CRLF3: variants seen among roughly 807,000 people sequenced by gnomAD.
CRLF3 encodes cytokine receptor-like factor 3.
Under a neutral mutation model 55.0 loss-of-function variants are expected in CRLF3, and 33 were observed. The ratio of observed to expected loss-of-function variants is 0.60; its 90% confidence interval spans 0.46 to 0.80. The LOEUF is 0.80. Ranked by LOEUF, CRLF3 falls within the 30% of genes least tolerant of loss-of-function variation. The probability of loss-of-function intolerance (pLI) is 0.00; values close to 1 mark genes in which losing one functional copy is unlikely to be tolerated. For synonymous variants in CRLF3, 238 were observed against 196.8 expected, an observed-to-expected ratio of 1.21 and a Z score of -1.75; for missense variants, 494 against 538.4, an observed-to-expected ratio of 0.92 and a Z score of 0.82.
rs532385457 is a variant in CRLF3 at position 30,820,324 on chromosome 17, T to C, written c.129+4199A>G. Among the ~76,000 whole-genome samples, 10 of 152,354 alleles carry C rather than the reference T, an allele frequency of 6.6e-5. No individual in the cohort carries two copies. In the South Asian group the frequency reaches 2.1e-3, roughly 32 times the overall value. ...TTTTTATTCTTCTTCCTTCTAAATG[T>C]TCATACAACATGATTTCTCAATACG... On this transcript the variant is annotated intron_variant, in intron 1 of 7. Transcript: ENST00000324238.
At chr17:30,794,721 C>T (rs1971881332) in intron 4 of CRLF3, among the ~76,000 whole-genome samples, 2 of 152,018 alleles carry the variant, frequency 1.3e-5, no homozygotes, top group African/African-American at 4.8e-5. Flanking sequence ...TCACTTGAGC[C>T]CAGGAGATTG....
chr17:30,798,723 T>C (rs1272580261), intron 2 of CRLF3, among the ~76,000 whole-genome samples: 1 of 150,680 alleles, frequency 6.6e-6, no homozygotes, highest in Non-Finnish European at 1.5e-5. Flanking sequence ...CCTGTAGTTC[T>C]AGCTACTAGG....
chr17:30,808,280 T>A (rs1307781821), intron 1 of CRLF3, among the ~76,000 whole-genome samples: 51 of 102,052 alleles, frequency 5.0e-4, no homozygotes, highest in South Asian at 8.8e-4. Context: ...AACCTATATT[T>A]TTTTTTTTTT....
chr17:30,800,738 T>C (rs1298286504), intron 2 of CRLF3, among the ~76,000 whole-genome samples: 1 of 151,740 alleles, frequency 6.6e-6, no homozygotes, highest in African/African-American at 2.4e-5. Flanking sequence ...TCCTGAGTAG[T>C]TGGGACAACT....
chr17:30,784,238 AAG>A lies in CRLF3; in HGVS notation c.1276_1277del (p.Tyr427LeufsTer30). 6.2e-7 allele frequency: 1 copy of A among 1,614,050 alleles called. No individual in the cohort carries two copies. Among genetic ancestry groups the A allele is most frequent in the Non-Finnish European group, 8.5e-7 (1 of 1,179,928 alleles). On this transcript the variant is annotated frameshift_variant, in exon 8 of 8. Transcript: ENST00000324238. LOFTEE classifies it high-confidence loss of function. Reference sequence around the variant, plus strand: ...GATAGAAAAATGAGCATCCAAAGTAAAGAGAACCACAAGACTGATCAAGTAAC... The same window carrying A: ...GATAGAAAAATGAGCATCCAAAGTAAAGAACCACAAGACTGATCAAGTAAC... The part of the protein sequence containing the change: ...DWLLDQSCGS[L>X]YFGCSFFYPG...
intron 4 of CRLF3, among the ~76,000 whole-genome samples, chr17:30,794,200 C>T (rs1971868481): frequency 1.3e-5 from 2 of 152,114 alleles, no homozygotes; most frequent in African/African-American, 4.8e-5. Context: ...AGTCTGCCTC[C>T]TTTGAAGAAA....
chr17:30,804,138 C>A lies in CRLF3; in HGVS notation c.130-30G>T, dbSNP rs780791493. The A allele has an allele frequency of 1.2e-5, 19 of 1,524,012 alleles. No homozygotes were observed. In the African/African-American group the frequency reaches 2.6e-4, roughly 21 times the overall value. 94.4% of individuals were successfully genotyped at this position (1,524,012 alleles called of 1,614,324 possible). A position where few individuals can be genotyped will look rare whatever the true frequency, so the allele number is the denominator to read the frequency against. On this transcript the variant is annotated intron_variant, in intron 1 of 7. Transcript: ENST00000324238. ...AAAGAAATAACAAAATACTCAAAAT[C>A]AGAATCTTTAAAAAAGGCTAATCCA...
At chr17:30,813,794 C>T (rs1410685310) in intron 1 of CRLF3, among the ~76,000 whole-genome samples, 1 of 147,058 alleles carries the variant, frequency 6.8e-6, no homozygotes, top group Admixed American at 6.9e-5. Flanking sequence ...AAATAAGTTT[C>T]TCATTTTAAT....
intron 1 of CRLF3, among the ~76,000 whole-genome samples, chr17:30,809,408 T>C (rs11654035): frequency 0.11 from 16,385 of 152,220 alleles, 991 homozygotes; most frequent in South Asian, 0.25. Context: ...TCAAGTTCAT[T>C]TGCTTGACTT....
intron 7 of CRLF3, chr17:30,784,660 AGT>A: frequency 2.2e-6 from 1 of 445,228 alleles, no homozygotes; most frequent in East Asian, 3.5e-5. Flanking sequence ...GAAACTTGAC[AGT>A]GTTACAAAAT....
At chr17:30,810,427 G>A (rs751697423) in intron 1 of CRLF3, among the ~76,000 whole-genome samples, 8 of 151,966 alleles carry the variant, frequency 5.3e-5, no homozygotes, top group East Asian at 1.9e-4. Flanking sequence ...TTACCCAAGC[G>A]TAGTGGTGCA....
intron 1 of CRLF3, among the ~76,000 whole-genome samples, chr17:30,821,934 C>T (rs555281208): frequency 6.6e-6 from 1 of 151,786 alleles, no homozygotes; most frequent in African/African-American, 2.4e-5. Context: ...AAAAAAGTCA[C>T]ATGCCAGGCA....
intron 4 of CRLF3, among the ~76,000 whole-genome samples, chr17:30,793,965 A>G (rs1165567021): frequency 6.6e-6 from 1 of 151,880 alleles, no homozygotes; most frequent in Non-Finnish European, 1.5e-5. Flanking sequence ...CCACCCCACA[A>G]GTAGCTGGGA....
At chr17:30,800,493 A>T (rs1329031676) in intron 2 of CRLF3, among the ~76,000 whole-genome samples, 2 of 152,094 alleles carry the variant, frequency 1.3e-5, no homozygotes, top group East Asian at 3.9e-4. Flanking sequence ...AGAATCCAAA[A>T]GTAGGCTGAT....
intron 5 of CRLF3, chr17:30,792,778 A>C (rs1971834711): frequency 2.2e-6 from 1 of 450,920 alleles, no homozygotes; most frequent in East Asian, 3.0e-5. Flanking sequence ...TAATTTTGAC[A>C]TAATAAATCA....
chr17:30,805,065 C>A (rs1172532307), intron 1 of CRLF3, among the ~76,000 whole-genome samples: 1 of 152,144 alleles, frequency 6.6e-6, no homozygotes, highest in Non-Finnish European at 1.5e-5. Context: ...GGCCTGTAAT[C>A]CCAGCTACTT....
chr17:30,817,294 C>T (rs1270919207), intron 1 of CRLF3, among the ~76,000 whole-genome samples: 3 of 151,806 alleles, frequency 2.0e-5, no homozygotes, highest in Non-Finnish European at 4.4e-5. Flanking sequence ...AAAAATGAGC[C>T]GGGTGTGGTG....
chr17:30,796,394 A>T lies in CRLF3; in HGVS notation c.426-57T>A, dbSNP rs1024071925. On this transcript the variant is annotated intron_variant, in intron 3 of 7. Coordinates refer to ENST00000324238, the MANE Select transcript of CRLF3 (RefSeq NM_015986.4). ...CTCTAACTGAGAGTTAAAAAATACA[A>T]GAAATATTTTAGAGCAGTCACATGC... The T allele has an allele frequency of 4.9e-6, 7 of 1,417,268 alleles. No individual in the cohort carries two copies. In the African/African-American group the frequency reaches 1.0e-4, roughly 20 times the overall value. 87.8% of individuals were successfully genotyped at this position (1,417,268 alleles called of 1,614,324 possible).
intron 1 of CRLF3, among the ~76,000 whole-genome samples, chr17:30,822,662 A>G (rs1460839042): frequency 2.0e-5 from 3 of 152,208 alleles, no homozygotes; most frequent in Non-Finnish European, 4.4e-5. Context: ...TGAAAATTGA[A>G]TACTGAACCA....
Sources: allele counts gnomAD v4.1 joint callset (sites outside exome capture counted in the v4.1 genomes callset), GRCh38; gene constraint gnomAD v4.1.1; transcripts MANE v1.5; gene names NCBI Gene and HGNC (gene_info 2026-07-23, HGNC 2026-07-21).